HSPH1: variants seen among roughly 807,000 people sequenced by gnomAD.
HSPH1 encodes heat shock protein family H (Hsp110) member 1, also known as heat shock protein 105 kDa.
A neutral mutation model predicts 100.0 loss-of-function variants in HSPH1; 40 were observed. The observed-to-expected ratio is 0.40, with a 90% CI of 0.31 to 0.52. HSPH1 has a LOEUF of 0.52. Among genes scored for constraint, HSPH1 ranks in the 20% least tolerant of loss-of-function variants. HSPH1 has a pLI of 0.54. For missense variants in HSPH1, 876 were observed against 1,015.1 expected (o/e 0.86, Z 1.86); for synonymous variants, 403 against 344.0 (o/e 1.17, Z -1.90).
At chr13:31,162,225 A>T (rs2081899553), upstream of HSPH1, 4 of 827,930 alleles carry the variant, frequency 4.8e-6, no homozygotes, top group African/African-American at 6.8e-5. Flanking sequence ...GAATAGTCAC[A>T]ATTTACTACC....
upstream of HSPH1, chr13:31,162,176 C>T: frequency 8.1e-7 from 1 of 1,237,802 alleles, no homozygotes; most frequent in East Asian, 2.5e-5. Context: ...GTTTTGCTGC[C>T]CTAATAAAAC....
intron 2 of HSPH1, among the ~76,000 whole-genome samples, chr13:31,157,511 C>G (rs1040363169): frequency 6.6e-6 from 1 of 152,182 alleles, no homozygotes; most frequent in Non-Finnish European, 1.5e-5. Context: ...TCTTATTAAA[C>G]ATAAGCATTT....
chr13:31,141,825 CACACAT>C (rs1565997450), intron 12 of HSPH1, among the ~76,000 whole-genome samples: 8 of 151,420 alleles, frequency 5.3e-5, no homozygotes, highest in African/African-American at 1.7e-4. Context: ...CACACACACA[CACACAT>C]TATTACTATC....
chr13:31,140,463 C>CT (rs1211252930), intron 13 of HSPH1, 154 bp from the exon 14 acceptor site: 3 of 504,010 alleles, frequency 6.0e-6, no homozygotes, highest in African/African-American at 5.9e-5. Context: ...TTCCTACAAA[C>CT]CAAACAGACA....
intron 1 of HSPH1, among the ~76,000 whole-genome samples, chr13:31,159,283 A>AT (rs767550744): frequency 2.6e-4 from 39 of 152,350 alleles, no homozygotes; most frequent in Middle Eastern, 6.8e-3. Context: ...TTGTTCTGAT[A>AT]TACCACCGGC....
chr13:31,151,298 A>G (rs1030074519), intron 6 of HSPH1, 107 bp from the exon 7 acceptor site: 36 of 926,912 alleles, frequency 3.9e-5, no homozygotes, highest in African/African-American at 8.3e-5. Flanking sequence ...ACTCAAGACT[A>G]TATTTAAATT....
chr13:31,148,447 C>T lies in HSPH1; in HGVS notation c.1171G>A (p.Glu391Lys). 1.3e-6 allele frequency: 2 copies of T among 1,546,940 alleles called. No homozygotes were observed. The highest frequency in any genetic ancestry group is 1.7e-6 in the Non-Finnish European group (2 of 1,145,564). The change falls in exon 9 of 18, where the codon GAA (glutamate) becomes AAA (lysine). Residue 391 changes from glutamate (E) to lysine (K), a missense_variant. By Grantham distance (56) the Glu-to-Lys change is moderately conservative. Transcript: ENST00000320027. ...AILSPAFKVR[E>K]FSVTDAVPFP... is the part of the protein sequence containing the mutation. Reference sequence around the variant, plus strand: ...GGAACTGCATCTGTGACGGAAAATTCTCTAACTTTAAATGCCGGGGAAAGT... The same window carrying T: ...GGAACTGCATCTGTGACGGAAAATTTTCTAACTTTAAATGCCGGGGAAAGT...
At position 31,148,438 on chromosome 13, in the gene HSPH1, C is replaced by T. The variant is rs745636453; in HGVS notation, c.1180G>A (p.Val394Ile). Residue 394 changes from valine to isoleucine, a missense_variant, in exon 9 of 18, where the codon GTC becomes ATC. Val to Ile is a conservative substitution (Grantham distance 29). Coordinates refer to ENST00000320027, the MANE Select transcript of HSPH1 (RefSeq NM_006644.4). ...ATTGGAAAAGGAACTGCATCTGTGA[C>T]GGAAAATTCTCTAACTTTAAATGCC... ...SPAFKVREFS[V>I]TDAVPFPISL... is the part of the protein sequence containing the mutation. 83 of 1,565,830 alleles carry T rather than the reference C, an allele frequency of 5.3e-5. No homozygotes were observed. Among genetic ancestry groups the T allele is most frequent in the East Asian group, 1.9e-4 (8 of 42,634 alleles).
At chr13:31,151,446 C>A in intron 6 of HSPH1, 163 bp downstream of exon 6, 1 of 693,826 alleles carries the variant, frequency 1.4e-6, no homozygotes. Flanking sequence ...ACAATTACAT[C>A]ATCTTTATGG....
At chr13:31,147,141 C>G (rs576458848) in intron 10 of HSPH1, among the ~76,000 whole-genome samples, 1 of 152,238 alleles carries the variant, frequency 6.6e-6, no homozygotes. Flanking sequence ...TGCCAAAGAG[C>G]TGGGATTTTA....
Position 31,141,215 on chromosome 13 carries a change from G to C in HSPH1, c.1761C>G (p.Pro587=). The C allele has an allele frequency of 6.2e-7, 1 of 1,608,830 alleles. No individual in the cohort carries two copies. The highest frequency in any genetic ancestry group is 8.5e-7 in the Non-Finnish European group (1 of 1,177,348). The change falls in exon 13 of 18, where the codon CCC becomes CCG. Residue 587 remains proline (P), a synonymous_variant. Coordinates refer to ENST00000320027, the MANE Select transcript of HSPH1 (RefSeq NM_006644.4). ...GCTCAACATTCACCACCTTTATTTT[G>C]GGCTTTTTAGCTTCTGGAGGCTGGT... The part of the protein sequence containing the change: ...KVDQPPEAKK[P]KIKVVNVELP...
At chr13:31,138,717 C>A in intron 16 of HSPH1, 64 bp downstream of exon 16, 2 of 1,559,416 alleles carry the variant, frequency 1.3e-6, no homozygotes, top group Admixed American at 2.0e-5. Flanking sequence ...TGATTCCCAG[C>A]TTAAGTGTTA....
chr13:31,144,830 A>T (rs1373205143), intron 11 of HSPH1, among the ~76,000 whole-genome samples: 2 of 152,132 alleles, frequency 1.3e-5, no homozygotes, highest in Non-Finnish European at 2.9e-5. Context: ...ATTTTTCTAG[A>T]TGAGAATAAA....
intron 11 of HSPH1, among the ~76,000 whole-genome samples, chr13:31,144,669 A>C (rs901613638): frequency 6.6e-6 from 1 of 152,100 alleles, no homozygotes; most frequent in Admixed American, 6.6e-5. Context: ...TTCTGTCCAC[A>C]CTGAACTCTC....
At chr13:31,141,374 CATAAAGTTG>C in intron 12 of HSPH1, 115 bp from the exon 13 acceptor site, 1 of 868,128 alleles carries the variant, frequency 1.2e-6, no homozygotes, top group East Asian at 2.6e-5. Flanking sequence ...CTCTAAAAAT[CATAAAGTTG>C]GAAGGATCTA....
chr13:31,148,139 A>AGGTAAGGAGTTCAT, intron 9 of HSPH1, 47 bp from the exon 10 acceptor site: 1 of 1,560,284 alleles, frequency 6.4e-7, no homozygotes, highest in East Asian at 2.2e-5. Context: ...AACTTAAAAT[A>AGGTAAGGAGTTCAT]TGCTTACTGT....
At chr13:31,141,324 AT>A in intron 12 of HSPH1, 65 bp from the exon 13 acceptor site, 3 of 1,381,014 alleles carry the variant, frequency 2.2e-6, no homozygotes, top group Non-Finnish European at 9.9e-7. Flanking sequence ...CACAAAAAAA[AT>A]GTCCTCATAC....
intron 4 of HSPH1, 152 bp downstream of exon 4, chr13:31,154,481 A>T: frequency 1.2e-6 from 1 of 866,354 alleles, no homozygotes. Flanking sequence ...ACTCAAATCT[A>T]CTTTGTAATG....
At chr13:31,145,033 A>G (rs924468023) in intron 11 of HSPH1, among the ~76,000 whole-genome samples, 3 of 152,176 alleles carry the variant, frequency 2.0e-5, no homozygotes, top group African/African-American at 7.2e-5. Context: ...TTGACCACAC[A>G]GAACTAGCAC....
Sources: allele counts gnomAD v4.1 joint callset (sites outside exome capture counted in the v4.1 genomes callset), GRCh38; gene constraint gnomAD v4.1.1; transcripts MANE v1.5; gene names NCBI Gene and HGNC (gene_info 2026-07-23, HGNC 2026-07-21).